DDR2: variants seen among roughly 807,000 people sequenced by gnomAD.
DDR2 encodes discoidin domain-containing receptor 2.
A neutral mutation model predicts 94.9 loss-of-function variants in DDR2; 27 were observed. The ratio of observed to expected loss-of-function variants is 0.28; its 90% CI spans 0.21 to 0.39. The LOEUF is 0.39. Ranked by LOEUF, DDR2 falls within the 10% of genes least tolerant of loss-of-function variation. The pLI is 1.00. For missense variants in DDR2, 783 were observed against 1,076.0 expected (o/e 0.73, Z 3.81); for synonymous variants, 382 against 377.2 (o/e 1.01, Z -0.15).
chr1:162,684,888 C>T (rs1177937651), intron 2 of DDR2, among the ~76,000 whole-genome samples: 2 of 151,116 alleles, frequency 1.3e-5, no homozygotes, highest in Non-Finnish European at 2.9e-5. Context: ...CCATTGCTAC[C>T]TTATGTGATT....
At chr1:162,662,031 G>A (rs1658325944) in intron 2 of DDR2, among the ~76,000 whole-genome samples, 1 of 152,194 alleles carries the variant, frequency 6.6e-6, no homozygotes, top group Admixed American at 6.5e-5. Context: ...GATTGTAGGA[G>A]TGAATTAGAG....
chr1:162,692,351 C>G (rs974947861), intron 2 of DDR2, among the ~76,000 whole-genome samples: 1 of 152,166 alleles, frequency 6.6e-6, no homozygotes, highest in African/African-American at 2.4e-5. Context: ...TTATGTTTAT[C>G]AAAAGTCACT....
intron 1 of DDR2, among the ~76,000 whole-genome samples, chr1:162,653,756 A>T (rs1657822390): frequency 1.3e-5 from 2 of 152,102 alleles, no homozygotes; most frequent in South Asian, 4.1e-4. Context: ...GCAGTGAGGT[A>T]AGCCCCAAGT....
intron 3 of DDR2, among the ~76,000 whole-genome samples, chr1:162,741,278 A>ATAGTATAATGTAATGTAATG (rs1558057695): frequency 1.6e-5 from 2 of 127,050 alleles, no homozygotes; most frequent in African/African-American, 3.0e-5. Context: ...ATAATATAAT[A>ATAGTATAATGTAATGTAATG]TAATATAATA....
chr1:162,671,330 C>T (rs563472284), intron 2 of DDR2, among the ~76,000 whole-genome samples: 1 of 152,316 alleles, frequency 6.6e-6, no homozygotes, highest in South Asian at 2.1e-4. Context: ...CACAAGGCTT[C>T]CAGGATTCAG....
intron 3 of DDR2, among the ~76,000 whole-genome samples, chr1:162,750,583 A>G (rs919973801): frequency 5.3e-5 from 8 of 152,168 alleles, no homozygotes; most frequent in African/African-American, 1.9e-4. Context: ...GGTAATTTAT[A>G]GATTCAATGC....
chr1:162,645,077 C>A (rs949737560), intron 1 of DDR2, among the ~76,000 whole-genome samples: 1 of 152,098 alleles, frequency 6.6e-6, no homozygotes, highest in African/African-American at 2.4e-5. Context: ...CCTTATGGAA[C>A]AGGCATACTG....
At chr1:162,666,542 G>A (rs1016045272) in intron 2 of DDR2, among the ~76,000 whole-genome samples, 1 of 152,052 alleles carries the variant, frequency 6.6e-6, no homozygotes, top group Non-Finnish European at 1.5e-5. Flanking sequence ...TATCACTGTG[G>A]GATTAATTTC....
At position 162,732,160 on chromosome 1, in the gene DDR2, A is replaced by G. The variant is rs371321449; in HGVS notation, c.82+13015A>G. ...AGGAAAACTGCAATCCTAAAGGTCT[A>G]TTCCTAAGGGGAATTTCAACTTGTG... On this transcript the variant is annotated intron_variant, in intron 3 of 17. Coordinates refer to ENST00000367921, the MANE Select transcript of DDR2 (RefSeq NM_006182.4). Among the ~76,000 whole-genome samples, 48 of 152,336 alleles carry G rather than the reference A, an allele frequency of 3.2e-4. No individual in the cohort carries two copies. In the South Asian group the frequency reaches 9.9e-3, roughly 32 times the overall value.
At chr1:162,731,700 G>C (rs1662052778) in intron 3 of DDR2, among the ~76,000 whole-genome samples, 1 of 152,164 alleles carries the variant, frequency 6.6e-6, no homozygotes, top group African/African-American at 2.4e-5. Context: ...TCTCCTCTTA[G>C]ATATCATTTA....
intron 9 of DDR2, among the ~76,000 whole-genome samples, chr1:162,763,770 T>C (rs780374359): frequency 2.0e-5 from 3 of 152,168 alleles, no homozygotes; most frequent in South Asian, 2.1e-4. Context: ...ATGAAATATG[T>C]ATATTTAAAA....
chr1:162,723,671 C>T (rs1417691257), intron 3 of DDR2, among the ~76,000 whole-genome samples: 2 of 152,186 alleles, frequency 1.3e-5, no homozygotes, highest in Non-Finnish European at 2.9e-5. Context: ...CTGACTTGGC[C>T]TGTGACAACT....
intron 3 of DDR2, among the ~76,000 whole-genome samples, chr1:162,721,408 C>A (rs1661417335): frequency 6.6e-6 from 1 of 152,116 alleles, no homozygotes; most frequent in East Asian, 1.9e-4. Flanking sequence ...TATAGGAAAA[C>A]AGGACATGTT....
chr1:162,754,541 A>G (rs1432116130), intron 4 of DDR2, 83 bp from the exon 5 acceptor site: 3 of 1,390,348 alleles, frequency 2.2e-6, no homozygotes, highest in Non-Finnish European at 1.0e-6. Context: ...CCCTCAGTAC[A>G]GGGCAGCTGC....
rs1647944555 is a variant in DDR2 at position 162,782,240 on chromosome 1, A to T, written c.*1994A>T. 1 of 152,184 alleles carries T rather than the reference A, an allele frequency of 6.6e-6. No homozygotes were observed. The highest frequency in any genetic ancestry group is 2.4e-5 in the African/African-American group (1 of 41,428). 9.4% of individuals were successfully genotyped at this position (152,184 alleles called of 1,614,324 possible). A position where few individuals can be genotyped will look rare whatever the true frequency, so the allele number is the denominator to read the frequency against. On this transcript the variant is annotated 3_prime_UTR_variant, in exon 18 of 18. Transcript: ENST00000367921. ...TTGTTTTCTTATTTATAGGATGAGG[A>T]AATTAGATTAAATGGTTTTGAGGTC...
chr1:162,633,233 G>A (rs1336718014), intron 1 of DDR2, among the ~76,000 whole-genome samples: 1 of 152,112 alleles, frequency 6.6e-6, no homozygotes, highest in Non-Finnish European at 1.5e-5. Context: ...TCATCTCCTC[G>A]CTGGCTCTGG....
At chr1:162,742,162 T>C (rs1662642311) in intron 3 of DDR2, among the ~76,000 whole-genome samples, 1 of 152,288 alleles carries the variant, frequency 6.6e-6, no homozygotes, top group Non-Finnish European at 1.5e-5. Context: ...GGAGAAATTA[T>C]ACTTTTGATA....
intron 9 of DDR2, among the ~76,000 whole-genome samples, chr1:162,761,966 G>C (rs751325831): frequency 6.6e-6 from 1 of 152,104 alleles, no homozygotes; most frequent in Admixed American, 6.5e-5. Flanking sequence ...CTGCATCTAA[G>C]AAAATAGCAT....
chr1:162,651,769 A>T lies in DDR2; in HGVS notation c.-191-3442A>T, dbSNP rs1400831062. Reference sequence around the variant, plus strand: ...AACAAAATACTAATAAAATTTAAGTAAAATAAATAATCTACAATAATCCAA... The same window carrying T: ...AACAAAATACTAATAAAATTTAAGTTAAATAAATAATCTACAATAATCCAA... On this transcript the variant is annotated intron_variant, in intron 1 of 17. Coordinates refer to ENST00000367921, the MANE Select transcript of DDR2 (RefSeq NM_006182.4). Among the ~76,000 whole-genome samples, 3 of 152,250 alleles carry T rather than the reference A, an allele frequency of 2.0e-5. No individual in the cohort carries two copies. The East Asian group carries it at 5.8e-4, about 29-fold the overall frequency.
Sources: gnomAD v4.1 joint callset for allele counts (sites outside exome capture counted in the v4.1 genomes callset) on GRCh38, gnomAD v4.1.1 for gene constraint, MANE v1.5 for transcripts, NCBI Gene and HGNC (gene_info 2026-07-23, HGNC 2026-07-21) for gene names.